The following TAF1B variants were observed in gnomAD, a reference collection of about 807,000 sequenced individuals.
TAF1B encodes the protein TATA-box binding protein associated factor, RNA polymerase I subunit B.
A neutral mutation model predicts 83.9 loss-of-function variants in TAF1B; 61 were observed. That is an observed-to-expected ratio of 0.73 (90% CI 0.59 to 0.90). TAF1B has a LOEUF of 0.90. Ranked by LOEUF, TAF1B falls within the 40% of genes least tolerant of loss-of-function variation. The probability of loss-of-function intolerance (pLI) is 0.00; values close to 1 mark genes in which losing one functional copy is unlikely to be tolerated. For missense variants in TAF1B, 625 were observed against 677.0 expected, an observed-to-expected ratio of 0.92 and a Z score of 0.85; for synonymous variants, 221 against 224.6, an observed-to-expected ratio of 0.98 and a Z score of 0.14.
At chr2:9,908,028 CTTTTTTTTTTTTTTTTTTTTT>C (rs57261740) in intron 9 of TAF1B, among the ~76,000 whole-genome samples, 5 of 71,770 alleles carry the variant, frequency 7.0e-5, no homozygotes, top group East Asian at 9.2e-4. Flanking sequence ...GATCTTAATT[CTTTTTTTTTTTTTTTTTTTTT>C]TTTTTTTTTT....
At chr2:9,927,477 A>G (rs1213058848) in intron 14 of TAF1B, among the ~76,000 whole-genome samples, 2 of 152,244 alleles carry the variant, frequency 1.3e-5, no homozygotes, top group African/African-American at 4.8e-5. Context: ...ACTAGTTTAC[A>G]GTCCTACCAA....
chr2:9,900,785 G>A (rs529659407), intron 8 of TAF1B, among the ~76,000 whole-genome samples: 19 of 152,262 alleles, frequency 1.2e-4, no homozygotes, highest in African/African-American at 4.3e-4. Flanking sequence ...TTTTGCGACA[G>A]GGTAAGGAAC....
chr2:9,853,719 T>G (rs567650308), intron 4 of TAF1B, among the ~76,000 whole-genome samples: 1 of 152,234 alleles, frequency 6.6e-6, no homozygotes, highest in East Asian at 1.9e-4. Flanking sequence ...TTCTCCTGCC[T>G]TGAAGTCTGG....
intron 7 of TAF1B, among the ~76,000 whole-genome samples, chr2:9,881,398 T>A (rs987680314): frequency 6.6e-6 from 1 of 152,166 alleles, no homozygotes; most frequent in Admixed American, 6.5e-5. Flanking sequence ...AAGCCAAATG[T>A]CAGCCCAGCT....
In TAF1B at chr2:9,910,877, TGAAAC is replaced by T. The variant is rs747918826; in HGVS notation, c.1098_1102del (p.Leu366PhefsTer7). ...GCTGTAGCTATCATTGTGGTGGTAT[TGAAAC>T]TGCTCTTTCTATTGGATGACAGTTT... On this transcript the variant is annotated frameshift_variant, in exon 10 of 15. Transcript: ENST00000263663. LOFTEE classifies it high-confidence loss of function. 6.2e-7 allele frequency: 1 copy of T among 1,612,410 alleles called. No individual in the cohort carries two copies. The highest frequency in any genetic ancestry group is 1.1e-5 in the South Asian group (1 of 90,742).
intron 9 of TAF1B, among the ~76,000 whole-genome samples, chr2:9,909,087 A>G (rs1411726974): frequency 6.6e-6 from 1 of 152,266 alleles, no homozygotes; most frequent in Admixed American, 6.5e-5. Flanking sequence ...ATGTTAACAA[A>G]GCATTTTTTA....
chr2:9,895,555 G>A (rs1664992246), intron 8 of TAF1B, among the ~76,000 whole-genome samples: 2 of 152,132 alleles, frequency 1.3e-5, no homozygotes, highest in African/African-American at 4.8e-5. Flanking sequence ...CTGTCATTAA[G>A]AAAAGTCTAG....
At chr2:9,882,566 T>G (rs762773893) in intron 7 of TAF1B, 140 bp from the exon 8 acceptor site, 10 of 506,458 alleles carry the variant, frequency 2.0e-5, no homozygotes, top group Non-Finnish European at 3.4e-5. Flanking sequence ...ATTAGATTTA[T>G]TATCCTTAAA....
intron 7 of TAF1B, among the ~76,000 whole-genome samples, chr2:9,877,096 TATTA>T (rs1252927812): frequency 2.0e-5 from 3 of 152,214 alleles, no homozygotes; most frequent in Non-Finnish European, 4.4e-5. Flanking sequence ...TGAATTTTAC[TATTA>T]ATTTAAAAAC....
intron 12 of TAF1B, 116 bp downstream of exon 12, chr2:9,913,365 G>T: frequency 1.1e-5 from 8 of 723,212 alleles, no homozygotes; most frequent in South Asian, 4.2e-5. Flanking sequence ...TTTTTTTTCT[G>T]GAAATATTAG....
intron 14 of TAF1B, among the ~76,000 whole-genome samples, chr2:9,921,063 C>T (rs1022580182): frequency 6.6e-6 from 1 of 152,238 alleles, no homozygotes. Context: ...TATATATTCC[C>T]TATAAACGGT....
chr2:9,849,375 A>G lies in TAF1B; in HGVS notation c.120A>G (p.Arg40=), dbSNP rs1347803235. 1 of 1,593,502 alleles carries G rather than the reference A, an allele frequency of 6.3e-7. No individual in the cohort carries two copies. The highest frequency in any genetic ancestry group is 2.2e-5 in the East Asian group (1 of 44,572). Residue 40 remains arginine, a splice_region_variant and synonymous_variant, in exon 3 of 15, where the codon AGA becomes AGG. Transcript: ENST00000263663. ...YCTSCHNVTE[R]YQEVTNTDLI... Reference sequence around the variant, plus strand: ...TGGTCTTTTTCTCTTTCCTGCAGAGATATCAGGAAGTTACAAACACTGATC... The same window carrying G: ...TGGTCTTTTTCTCTTTCCTGCAGAGGTATCAGGAAGTTACAAACACTGATC...
intron 14 of TAF1B, among the ~76,000 whole-genome samples, chr2:9,925,822 G>C (rs575859081): frequency 6.6e-6 from 1 of 151,968 alleles, no homozygotes; most frequent in Non-Finnish European, 1.5e-5. Context: ...TGATCTGCCC[G>C]CCTCGGCCTC....
At chr2:9,866,305 C>G (rs1290483157) in intron 5 of TAF1B, among the ~76,000 whole-genome samples, 1 of 152,228 alleles carries the variant, frequency 6.6e-6, no homozygotes, top group African/African-American at 2.4e-5. Flanking sequence ...CAAAAGAAGA[C>G]ATTTATGCAG....
intron 4 of TAF1B, among the ~76,000 whole-genome samples, chr2:9,853,836 A>G (rs1216976328): frequency 1.3e-5 from 2 of 152,176 alleles, no homozygotes; most frequent in Non-Finnish European, 2.9e-5. Context: ...CCCCTAACTA[A>G]AAGTGTAGTC....
chr2:9,854,222 A>G (rs1198074904), intron 4 of TAF1B, 104 bp from the exon 5 acceptor site: 3 of 774,786 alleles, frequency 3.9e-6, no homozygotes, highest in Non-Finnish European at 6.5e-6. Context: ...GGAAATTTAT[A>G]TGTAAGTTAA....
At chr2:9,866,413 G>A (rs369473922) in intron 5 of TAF1B, among the ~76,000 whole-genome samples, 24,355 of 150,672 alleles carry the variant, frequency 0.16, 2,059 homozygotes, top group Middle Eastern at 0.28. Flanking sequence ...TTAGAATGGC[G>A]ATCATTAAAA....
At chr2:9,902,228 T>A (rs11887175) in intron 8 of TAF1B, among the ~76,000 whole-genome samples, 2,634 of 26,684 alleles carry the variant, frequency 0.099, 30 homozygotes, top group Admixed American at 0.18. Flanking sequence ...TATATGAAGC[T>A]TTTTTTTTTT....
rs1275266395 is a variant in TAF1B at position 9,843,541 on chromosome 2, G to T, written c.-1G>T. On this transcript the variant is annotated 5_prime_UTR_variant, in exon 1 of 15. Transcript: ENST00000263663. ...GCTGTGGAAGCTCCCGCGGCGCCGCGATGGACCTCGAGGAGGCGGTAAGGA... is the reference window on the plus strand; with the variant it reads ...GCTGTGGAAGCTCCCGCGGCGCCGCTATGGACCTCGAGGAGGCGGTAAGGA... The T allele has an allele frequency of 1.3e-6, 2 of 1,525,702 alleles. No homozygotes were observed. The highest frequency in any genetic ancestry group is 1.8e-6 in the Non-Finnish European group (2 of 1,133,860). 94.5% of individuals were successfully genotyped at this position (1,525,702 alleles called of 1,614,324 possible).
Sources: gnomAD v4.1 joint callset for allele counts (sites outside exome capture counted in the v4.1 genomes callset) on GRCh38, gnomAD v4.1.1 for gene constraint, MANE v1.5 for transcripts, NCBI Gene and HGNC (gene_info 2026-07-23, HGNC 2026-07-21) for gene names.